CDH8: variants seen among roughly 807,000 people sequenced by gnomAD.
The protein encoded by CDH8 is cadherin 8.
CDH8 carries 17 observed loss-of-function variants against 68.1 expected under a neutral mutation model. The ratio of observed to expected loss-of-function variants is 0.25; its 90% confidence interval spans 0.17 to 0.37. CDH8 has a LOEUF of 0.37. CDH8 is among the 10% of genes least tolerant of loss of function. The pLI, the probability that CDH8 is intolerant of heterozygous loss-of-function variation, is 1.00. For synonymous variants in CDH8, 372 were observed against 365.1 expected (o/e 1.02, Z -0.21); for missense variants, 763 against 999.3 (o/e 0.76, Z 3.19).
At position 61,835,161 on chromosome 16, in the gene CDH8, T is replaced by G. The variant is rs113060012; in HGVS notation, c.668-9982A>C. On this transcript the variant is annotated intron_variant, in intron 4 of 11. Transcript: ENST00000577390. ...TTTATATATTAACCTCTATATGCCC[T>G]GCCCCATTTATGCTTGGAAATTGTT... 3.3e-5 allele frequency among the ~76,000 whole-genome samples: 5 copies of G among 152,040 alleles called. No homozygotes were observed. In the South Asian group the frequency reaches 6.2e-4, roughly 19 times the overall value.
At chr16:61,830,116 T>A (rs752160666) in intron 4 of CDH8, among the ~76,000 whole-genome samples, 1 of 151,782 alleles carries the variant, frequency 6.6e-6, no homozygotes, top group Non-Finnish European at 1.5e-5. Flanking sequence ...GGCTAACATA[T>A]CTCCCAAGCA....
At chr16:61,793,105 G>T (rs573718118) in intron 7 of CDH8, among the ~76,000 whole-genome samples, 199 of 152,014 alleles carry the variant, frequency 1.3e-3, no homozygotes, top group African/African-American at 4.4e-3. Flanking sequence ...CAGGGATCTA[G>T]CAAGCCCCCT....
intron 3 of CDH8, among the ~76,000 whole-genome samples, chr16:61,871,713 T>A (rs1054721761): frequency 2.0e-5 from 3 of 147,784 alleles, no homozygotes; most frequent in South Asian, 2.2e-4. Flanking sequence ...GCCACTGGCC[T>A]GGGTCCCAAT....
chr16:61,860,718 A>G (rs113082569), intron 3 of CDH8, among the ~76,000 whole-genome samples: 21 of 152,296 alleles, frequency 1.4e-4, no homozygotes, highest in African/African-American at 5.1e-4. Context: ...CTGCATATGT[A>G]ATCGAAAAAG....
chr16:61,662,057 C>CT (rs369076807), intron 10 of CDH8, among the ~76,000 whole-genome samples: 19,634 of 98,412 alleles, frequency 0.2, 1,698 homozygotes, highest in African/African-American at 0.26. Context: ...TACATGCACT[C>CT]TTTTTTTTTT....
chr16:61,717,737 T>C (rs529145860), intron 9 of CDH8, among the ~76,000 whole-genome samples: 1 of 151,010 alleles, frequency 6.6e-6, no homozygotes, highest in South Asian at 2.1e-4. Flanking sequence ...GGGGGATATA[T>C]GAGATATCCC....
At chr16:61,754,971 T>C (rs940737508) in intron 8 of CDH8, among the ~76,000 whole-genome samples, 13 of 152,186 alleles carry the variant, frequency 8.5e-5, no homozygotes, top group Non-Finnish European at 1.3e-4. Context: ...CAGTTTTATG[T>C]CCATGTGTAC....
chr16:61,992,072 G>GTT (rs1965733585), intron 2 of CDH8, among the ~76,000 whole-genome samples: 1 of 133,060 alleles, frequency 7.5e-6, no homozygotes, highest in African/African-American at 2.7e-5. Flanking sequence ...GTGTGTGTGT[G>GTT]TGTGTGAGAG....
At position 61,900,992 on chromosome 16, in the gene CDH8, A is replaced by T. The variant is rs1963959808; in HGVS notation, c.547+187T>A. The T allele has an allele frequency of 1.1e-5, 6 of 560,152 alleles. No individual in the cohort carries two copies. The South Asian group carries it at 1.7e-4, about 15-fold the overall frequency. 34.7% of individuals were successfully genotyped at this position (560,152 alleles called of 1,614,324 possible). A position where few individuals can be genotyped will look rare whatever the true frequency, so the allele number is the denominator to read the frequency against. ...ATTTTAATAAAATTGCTCTTCCATCAGTTCCTGTTACTAAGGGACTAAAGC... is the reference window on the plus strand; with the variant it reads ...ATTTTAATAAAATTGCTCTTCCATCTGTTCCTGTTACTAAGGGACTAAAGC... On this transcript the variant is annotated intron_variant, in intron 3 of 11. Coordinates refer to ENST00000577390, the MANE Select transcript of CDH8 (RefSeq NM_001796.5).
intron 8 of CDH8, among the ~76,000 whole-genome samples, chr16:61,738,981 T>G (rs1422651706): frequency 6.6e-6 from 1 of 152,160 alleles, no homozygotes; most frequent in Non-Finnish European, 1.5e-5. Context: ...TATCTCTTAT[T>G]TTTTCCATGG....
Position 61,651,985 on chromosome 16 carries a change from T to G in CDH8, c.*1623A>C. On this transcript the variant is annotated 3_prime_UTR_variant, in exon 12 of 12. Transcript: ENST00000577390. ...TTCTGTTAATAGATCTTCCACTGATTGAAAAAAAAATTAATGACAACAAAG... is the reference window on the plus strand; with the variant it reads ...TTCTGTTAATAGATCTTCCACTGATGGAAAAAAAAATTAATGACAACAAAG... 1 of 682,172 alleles carries G rather than the reference T, an allele frequency of 1.5e-6. No individual in the cohort carries two copies. 42.3% of individuals were successfully genotyped at this position (682,172 alleles called of 1,614,324 possible).
rs144624335 is a variant in CDH8, at chr16:61,812,058, C to T, written c.1277+5421G>A. On this transcript the variant is annotated intron_variant, in intron 7 of 11. Coordinates refer to ENST00000577390, the MANE Select transcript of CDH8 (RefSeq NM_001796.5). ...TGGATCCCTTATTAAGTGCTCTTTA[C>T]ACACACAAACACACCACAAACACAC... Among the ~76,000 whole-genome samples, 112 of 152,224 alleles carry T rather than the reference C, an allele frequency of 7.4e-4. 2 individuals carry two copies. In the East Asian group the frequency reaches 0.02, roughly 27 times the overall value.
intron 8 of CDH8, among the ~76,000 whole-genome samples, chr16:61,764,025 T>C (rs1010255665): frequency 3.9e-5 from 6 of 152,150 alleles, no homozygotes; most frequent in African/African-American, 1.4e-4. Context: ...GAAATACATA[T>C]GAATCGAATG....
chr16:61,778,406 G>A (rs1191050728), intron 8 of CDH8, among the ~76,000 whole-genome samples: 8 of 152,050 alleles, frequency 5.3e-5, no homozygotes, highest in African/African-American at 1.9e-4. Flanking sequence ...CAAGAAGAAG[G>A]TCAATGAACA....
At chr16:61,835,702 C>G (rs1597006814) in intron 4 of CDH8, among the ~76,000 whole-genome samples, 1 of 152,048 alleles carries the variant, frequency 6.6e-6, no homozygotes, top group East Asian at 1.9e-4. Context: ...CTGTGAAGAA[C>G]ATGATGGCAC....
intron 2 of CDH8, among the ~76,000 whole-genome samples, chr16:61,961,087 G>A (rs993671392): frequency 1.3e-5 from 2 of 152,080 alleles, no homozygotes; most frequent in Non-Finnish European, 2.9e-5. Context: ...AAGCCAAGGC[G>A]GGTGGATTAC....
intron 9 of CDH8, among the ~76,000 whole-genome samples, chr16:61,716,059 T>C (rs1964724825): frequency 6.6e-6 from 1 of 151,672 alleles, no homozygotes; most frequent in South Asian, 2.1e-4. Flanking sequence ...GGTGCAACCA[T>C]TGAAGATGTA....
At chr16:61,990,964 AAAG>A in intron 2 of CDH8, among the ~76,000 whole-genome samples, 1 of 150,266 alleles carries the variant, frequency 6.7e-6, no homozygotes, top group South Asian at 2.1e-4. Context: ...AAAAAGAAAG[AAAG>A]AAAGAGAAAG....
chr16:61,921,462 T>C (rs1330070189), intron 2 of CDH8, among the ~76,000 whole-genome samples: 1 of 152,106 alleles, frequency 6.6e-6, no homozygotes, highest in Admixed American at 6.5e-5. Context: ...TAACCAACCA[T>C]AGTTACCCAC....
Sources: allele counts gnomAD v4.1 joint callset (sites outside exome capture counted in the v4.1 genomes callset), GRCh38; gene constraint gnomAD v4.1.1; transcripts MANE v1.5; gene names NCBI Gene and HGNC (gene_info 2026-07-23, HGNC 2026-07-21).